The following TANC2 variants were observed in gnomAD, a reference collection of about 807,000 sequenced individuals.
TANC2 encodes tetratricopeptide repeat, ankyrin repeat and coiled-coil containing 2.
A neutral mutation model predicts 210.5 loss-of-function variants in TANC2; 26 were observed. The ratio of observed to expected loss-of-function variants is 0.12; its 90% CI spans 0.09 to 0.17. The LOEUF is 0.17. TANC2 is among the 10% of genes least tolerant of loss of function. TANC2 has a pLI of 1.00. For missense variants in TANC2, 2,129 were observed against 2,608.9 expected (o/e 0.82, Z 4.01); for synonymous variants, 931 against 967.1 (o/e 0.96, Z 0.69).
At chr17:63,132,997 G>A (rs936690186) in intron 4 of TANC2, among the ~76,000 whole-genome samples, 1 of 152,020 alleles carries the variant, frequency 6.6e-6, no homozygotes, top group African/African-American at 2.4e-5. Context: ...TTTTTGAGAT[G>A]GATGCTTGTT....
chr17:63,050,373 A>G (rs2035539003), intron 2 of TANC2, among the ~76,000 whole-genome samples: 1 of 151,938 alleles, frequency 6.6e-6, no homozygotes, highest in Non-Finnish European at 1.5e-5. Flanking sequence ...AAAAAAAAAA[A>G]AAGAAAGAAA....
chr17:63,314,437 C>T, exon 10 of TANC2: 1 of 1,613,946 alleles, frequency 6.2e-7, no homozygotes, highest in Non-Finnish European at 8.5e-7. Context: ...AGCCTCTGCT[C>T]TTTGAAGTGC....
chr17:62,973,055 G>A (rs1381947065), intron 1 of TANC2, among the ~76,000 whole-genome samples: 9 of 147,648 alleles, frequency 6.1e-5, no homozygotes, highest in South Asian at 2.1e-4. Context: ...TTTACACGGC[G>A]TCTCACTCTG....
chr17:63,049,322 T>C (rs1210165425), intron 2 of TANC2, among the ~76,000 whole-genome samples: 1 of 152,010 alleles, frequency 6.6e-6, no homozygotes, highest in African/African-American at 2.4e-5. Context: ...AAGTACTAGG[T>C]AGAAAAATAA....
intron 11 of TANC2, among the ~76,000 whole-genome samples, chr17:63,321,926 C>T (rs1038424599): frequency 3.9e-5 from 6 of 152,212 alleles, no homozygotes; most frequent in African/African-American, 9.7e-5. Flanking sequence ...TCACCCTTCT[C>T]TTCCACAGTA....
At chr17:63,064,478 AAAACAAAC>A (rs1297783568) in intron 2 of TANC2, among the ~76,000 whole-genome samples, 1 of 152,132 alleles carries the variant, frequency 6.6e-6, no homozygotes, top group Non-Finnish European at 1.5e-5. Flanking sequence ...CAAACATACA[AAAACAAAC>A]AATTATACAG....
In TANC2 at chr17:63,411,836, T is replaced by C. The variant is rs182690372; in HGVS notation, c.3765+150T>C. The C allele has an allele frequency of 2.6e-3, 3,593 of 1,404,584 alleles. 12 individuals carry two copies. Among genetic ancestry groups the C allele is most frequent in the Admixed American group, 0.013 (519 of 40,362 alleles). 87.0% of individuals were successfully genotyped at this position (1,404,584 alleles called of 1,614,324 possible). A position where few individuals can be genotyped will look rare whatever the true frequency, so the allele number is the denominator to read the frequency against. ...TGCTAGAGAGCAAGAATATTCAAAA[T>C]GCTGTTAAAGATCAAGGATATAGCT... On this transcript the variant is annotated intron_variant, in intron 22 of 27. Coordinates refer to ENST00000689528, the Ensembl canonical transcript of TANC2.
chr17:63,255,053 GT>G (rs899192164), intron 8 of TANC2, among the ~76,000 whole-genome samples: 1 of 147,346 alleles, frequency 6.8e-6, no homozygotes. Flanking sequence ...ATTGGGAATA[GT>G]TATTTTTTAT....
chr17:63,154,233 C>A (rs981402210), intron 5 of TANC2: 5 of 152,100 alleles, frequency 3.3e-5, no homozygotes, highest in Non-Finnish European at 7.4e-5. Flanking sequence ...AAACTAAGAT[C>A]TAGAGAATTC....
At chr17:63,198,798 C>A (rs1447810024) in intron 6 of TANC2, among the ~76,000 whole-genome samples, 1 of 151,366 alleles carries the variant, frequency 6.6e-6, no homozygotes, top group Non-Finnish European at 1.5e-5. Context: ...AAAAAAAAAT[C>A]ATTGCTCTGG....
chr17:62,996,994 T>TTTTTTTTTTTTTTGAGACGG (rs2033144497), intron 1 of TANC2, among the ~76,000 whole-genome samples: 12 of 143,654 alleles, frequency 8.4e-5, no homozygotes, highest in African/African-American at 3.0e-4. Flanking sequence ...TTTGTATTTT[T>TTTTTTTTTTTTTTGAGACGG]AGTATAGATG....
intron 2 of TANC2, among the ~76,000 whole-genome samples, chr17:63,050,907 G>C (rs2035559705): frequency 6.6e-6 from 1 of 152,206 alleles, no homozygotes. Flanking sequence ...TTGCAATTCT[G>C]TGTCCTAAAT....
At chr17:63,382,526 A>G (rs2047645039) in intron 15 of TANC2, among the ~76,000 whole-genome samples, 1 of 152,248 alleles carries the variant, frequency 6.6e-6, no homozygotes, top group African/African-American at 2.4e-5. Context: ...ATTATGAAAT[A>G]TAGAAAAGTA....
intron 2 of TANC2, among the ~76,000 whole-genome samples, chr17:63,065,563 C>G (rs2036165930): frequency 6.6e-6 from 1 of 152,138 alleles, no homozygotes; most frequent in South Asian, 2.1e-4. Flanking sequence ...CTCCACATCC[C>G]TAGCAACATT....
intron 4 of TANC2, chr17:63,148,771 A>AT (rs1482249505): frequency 6.6e-6 from 1 of 152,100 alleles, no homozygotes; most frequent in African/African-American, 2.4e-5. Flanking sequence ...CTTATGTACC[A>AT]TTTTTTACAA....
intron 2 of TANC2, among the ~76,000 whole-genome samples, chr17:63,057,887 T>G (rs1453862426): frequency 6.6e-6 from 1 of 152,242 alleles, no homozygotes; most frequent in Non-Finnish European, 1.5e-5. Flanking sequence ...AGTGCTGTAA[T>G]GAACATACAT....
intron 8 of TANC2, among the ~76,000 whole-genome samples, chr17:63,253,773 C>A (rs1191885098): frequency 6.6e-6 from 1 of 151,944 alleles, no homozygotes; most frequent in Non-Finnish European, 1.5e-5. Flanking sequence ...GTGTGTGCCA[C>A]CCACACCCAA....
chr17:63,205,734 T>C (rs1158470467), intron 7 of TANC2, among the ~76,000 whole-genome samples: 1 of 151,890 alleles, frequency 6.6e-6, no homozygotes, highest in Non-Finnish European at 1.5e-5. Flanking sequence ...CTGGCCAACA[T>C]AGCGAGACCC....
chr17:63,304,175 T>C (rs2146512256), intron 9 of TANC2, among the ~76,000 whole-genome samples: 1 of 152,214 alleles, frequency 6.6e-6, no homozygotes, highest in Non-Finnish European at 1.5e-5. Context: ...CTCTGGCCTT[T>C]TGAGTTTTCA....
Sources: gnomAD v4.1 joint callset for allele counts (sites outside exome capture counted in the v4.1 genomes callset) on GRCh38, gnomAD v4.1.1 for gene constraint, MANE v1.5 for transcripts, NCBI Gene and HGNC (gene_info 2026-07-23, HGNC 2026-07-21) for gene names.